Variants in ATP6V1C2 observed in about 807,000 individuals in gnomAD.
ATP6V1C2 encodes the protein V-type proton ATPase subunit C 2.
Under a neutral mutation model 56.8 loss-of-function variants are expected in ATP6V1C2, and 45 were observed. That is an observed-to-expected ratio of 0.79 (90% CI 0.62 to 1.02). The LOEUF (loss-of-function observed/expected upper bound fraction) is 1.02, where lower values mean the gene tolerates loss of function less well. ATP6V1C2 is among the 50% of genes least tolerant of loss of function. ATP6V1C2 has a pLI of 0.00. For missense variants in ATP6V1C2, 463 were observed against 519.7 expected (o/e 0.89, Z 1.06); for synonymous variants, 220 against 201.3 (o/e 1.09, Z -0.79).
Position 10,783,825 on chromosome 2 carries a change from A to T in ATP6V1C2, c.*562A>T, listed in dbSNP as rs1462179090. ...TGATTTACTGCTAAACATCACTCTGAATTTATGATGTGGATACTAACTTCA... is the reference window on the plus strand; with the variant it reads ...TGATTTACTGCTAAACATCACTCTGTATTTATGATGTGGATACTAACTTCA... On this transcript the variant is annotated 3_prime_UTR_variant, in exon 14 of 14. Coordinates refer to ENST00000272238, the MANE Select transcript of ATP6V1C2 (RefSeq NM_001039362.2). 1 of 157,768 alleles carries T rather than the reference A, an allele frequency of 6.3e-6. No individual in the cohort carries two copies. The highest frequency in any genetic ancestry group is 2.4e-5 in the African/African-American group (1 of 41,536). 9.8% of individuals were successfully genotyped at this position (157,768 alleles called of 1,614,324 possible).
chr2:10,754,237 T>C (rs1663389973), intron 4 of ATP6V1C2, among the ~76,000 whole-genome samples, 171 bp downstream of exon 4: 1 of 152,052 alleles, frequency 6.6e-6, no homozygotes, highest in African/African-American at 2.4e-5. Flanking sequence ...ATTTATATTA[T>C]TATTATTTTG....
intron 4 of ATP6V1C2, among the ~76,000 whole-genome samples, chr2:10,757,638 C>A (rs1282479276): frequency 6.6e-6 from 1 of 152,308 alleles, no homozygotes; most frequent in East Asian, 1.9e-4. Context: ...CATCCCCTCC[C>A]CTCTTTGTCC....
chr2:10,775,102 C>T (rs1422238862), intron 10 of ATP6V1C2, 31 bp downstream of exon 10: 1 of 1,553,110 alleles, frequency 6.4e-7, no homozygotes, highest in Admixed American at 1.7e-5. Flanking sequence ...CTCCTCCCGC[C>T]CCTACCCGGA....
chr2:10,753,320 A>G (rs1162148988), intron 3 of ATP6V1C2, among the ~76,000 whole-genome samples: 2 of 152,192 alleles, frequency 1.3e-5, no homozygotes, highest in African/African-American at 2.4e-5. Flanking sequence ...TTGAAGCTTT[A>G]TATTCAATGG....
In ATP6V1C2 at chr2:10,784,303, G is replaced by T; in HGVS notation, c.*1040G>T. On this transcript the variant is annotated 3_prime_UTR_variant, in exon 14 of 14. Transcript: ENST00000272238. ...AGTCATCAAGCTCCACATCACTGAG[G>T]TCAATGTCATCCTCCACGGGAAGCT... The T allele has an allele frequency of 6.2e-7, 1 of 1,613,304 alleles. No homozygotes were observed. The highest frequency in any genetic ancestry group is 8.5e-7 in the Non-Finnish European group (1 of 1,179,796).
At chr2:10,723,092 G>A (rs1661450323) in intron 2 of ATP6V1C2, 114 bp downstream of exon 2, 5 of 1,319,272 alleles carry the variant, frequency 3.8e-6, no homozygotes, top group Middle Eastern at 2.4e-4. Flanking sequence ...CAAAGCAGGG[G>A]CTCTGAGGAC....
intron 3 of ATP6V1C2, among the ~76,000 whole-genome samples, chr2:10,748,005 G>C (rs558945911): frequency 6.6e-6 from 1 of 152,142 alleles, no homozygotes; most frequent in South Asian, 2.1e-4. Flanking sequence ...GCCTAAACCT[G>C]GAAGAGTTTA....
At chr2:10,766,062 G>A (rs1228830318) in intron 5 of ATP6V1C2, among the ~76,000 whole-genome samples, 2 of 152,194 alleles carry the variant, frequency 1.3e-5, no homozygotes, top group African/African-American at 2.4e-5. Flanking sequence ...GGGGTTGAGC[G>A]AGCGATCCAG....
chr2:10,733,767 G>A (rs1008392952), intron 3 of ATP6V1C2, among the ~76,000 whole-genome samples: 5 of 119,166 alleles, frequency 4.2e-5, no homozygotes, highest in African/African-American at 1.9e-4. Context: ...GACCTCAGCA[G>A]GACCTTCTGG....
chr2:10,746,476 A>G (rs1269118435), intron 3 of ATP6V1C2, among the ~76,000 whole-genome samples: 1 of 148,418 alleles, frequency 6.7e-6, no homozygotes, highest in Non-Finnish European at 1.5e-5. Context: ...GCAGGGGCCC[A>G]ATCTCAGTCC....
chr2:10,779,144 G>A (rs1344590875), intron 12 of ATP6V1C2, among the ~76,000 whole-genome samples: 7 of 150,620 alleles, frequency 4.6e-5, no homozygotes, highest in South Asian at 2.1e-4. Context: ...CACTCTTGTC[G>A]CCCAGGCTAG....
intron 4 of ATP6V1C2, among the ~76,000 whole-genome samples, chr2:10,759,141 C>T (rs1397778920): frequency 1.3e-5 from 2 of 152,212 alleles, no homozygotes; most frequent in African/African-American, 2.4e-5. Context: ...CTGCCTGCAG[C>T]CGGTCAGACC....
chr2:10,741,437 AC>A lies in ATP6V1C2; in HGVS notation c.198-12543del. The stretch of plus-strand genomic sequence containing the variant: ...TGAGTCACCAGGGGAGGCAGGGAAC[AC>A]AGGGTCCCCCTGGAAGCTTCTGGGC... On this transcript the variant is annotated intron_variant, in intron 3 of 13. Coordinates refer to ENST00000272238, the MANE Select transcript of ATP6V1C2 (RefSeq NM_001039362.2). Among the ~76,000 whole-genome samples, 3 of 1,298 alleles carry A rather than the reference AC, an allele frequency of 2.3e-3. No homozygotes were observed. The Admixed American group carries it at 0.031, about 13-fold the overall frequency. 0.9% of individuals were successfully genotyped at this position (1,298 alleles called of 152,430 possible).
At chr2:10,773,225 C>T (rs1170480524) in intron 8 of ATP6V1C2, among the ~76,000 whole-genome samples, 1 of 152,158 alleles carries the variant, frequency 6.6e-6, no homozygotes, top group Admixed American at 6.5e-5. Flanking sequence ...GACTCGGGCA[C>T]ACACAGGTGC....
At position 10,782,244 on chromosome 2, in the gene ATP6V1C2, T is replaced by C; in HGVS notation, c.1063T>C (p.Tyr355His). Reference sequence around the variant, plus strand: ...GACACATTTTGTCTATCTGAAAAGGTATGGACTACCAGTGAACTTCCAGGC... The same window carrying C: ...GACACATTTTGTCTATCTGAAAAGGCATGGACTACCAGTGAACTTCCAGGC... ...LRVFVESVLR[Y>H]GLPVNFQAVL... The change falls in exon 13 of 14, where the codon TAT (tyrosine) becomes CAT (histidine). Residue 355 changes from tyrosine (Y) to histidine (H), a missense_variant and splice_region_variant. Tyr to His is a moderately conservative substitution (Grantham distance 83). Transcript: ENST00000272238. The C allele has an allele frequency of 6.2e-7, 1 of 1,614,084 alleles. No individual in the cohort carries two copies. Among genetic ancestry groups the C allele is most frequent in the African/African-American group, 1.3e-5 (1 of 75,028 alleles).
At chr2:10,759,481 A>G (rs1258970793) in intron 4 of ATP6V1C2, among the ~76,000 whole-genome samples, 2 of 152,114 alleles carry the variant, frequency 1.3e-5, no homozygotes, top group African/African-American at 4.8e-5. Flanking sequence ...CAAGACCATC[A>G]TTGCTCAAGA....
intron 4 of ATP6V1C2, among the ~76,000 whole-genome samples, chr2:10,754,721 C>T (rs548524044): frequency 3.4e-4 from 51 of 151,956 alleles, no homozygotes; most frequent in African/African-American, 1.2e-3. Context: ...AACAGGCGCC[C>T]GCCACCACAC....
At chr2:10,751,834 G>A (rs1413227260) in intron 3 of ATP6V1C2, among the ~76,000 whole-genome samples, 1 of 152,180 alleles carries the variant, frequency 6.6e-6, no homozygotes, top group East Asian at 1.9e-4. Context: ...CTGGCTGGGC[G>A]CAGTGACTCA....
chr2:10,784,248 G>A lies in ATP6V1C2; in HGVS notation c.*985G>A. 2 of 1,608,808 alleles carry A rather than the reference G, an allele frequency of 1.2e-6. No individual in the cohort carries two copies. Among genetic ancestry groups the A allele is most frequent in the Non-Finnish European group, 1.7e-6 (2 of 1,176,458 alleles). On this transcript the variant is annotated 3_prime_UTR_variant, in exon 14 of 14. Coordinates refer to ENST00000272238, the MANE Select transcript of ATP6V1C2 (RefSeq NM_001039362.2). ...GAAAAGAAAATGGTCTGAAGCCTCT[G>A]TTGTGGCTCTCACAACTCATCTTTC...
Sources: allele counts gnomAD v4.1 joint callset (sites outside exome capture counted in the v4.1 genomes callset), GRCh38; gene constraint gnomAD v4.1.1; transcripts MANE v1.5; gene names NCBI Gene and HGNC (gene_info 2026-07-23, HGNC 2026-07-21).